GALNTL6: variants seen among roughly 807,000 people sequenced by gnomAD.
The protein encoded by GALNTL6 is polypeptide N-acetylgalactosaminyltransferase-like 6.
A neutral mutation model predicts 73.7 loss-of-function variants in GALNTL6; 46 were observed. That is an observed-to-expected ratio of 0.62 (90% CI 0.49 to 0.80). The LOEUF (loss-of-function observed/expected upper bound fraction) is 0.80. Among genes scored for constraint, GALNTL6 ranks in the 30% least tolerant of loss-of-function variants. GALNTL6 has a pLI of 0.00. For missense variants in GALNTL6, 604 were observed against 755.0 expected, an observed-to-expected ratio of 0.80 and a Z score of 2.34; for synonymous variants, 259 against 263.7, an observed-to-expected ratio of 0.98 and a Z score of 0.17.
chr4:171,960,567 A>C (rs1369590759), intron 2 of GALNTL6, among the ~76,000 whole-genome samples: 1 of 152,054 alleles, frequency 6.6e-6, no homozygotes, highest in African/African-American at 2.4e-5. Flanking sequence ...GGTGTGAGCC[A>C]CCACGCCCTG....
intron 2 of GALNTL6, among the ~76,000 whole-genome samples, chr4:171,893,795 G>A (rs1355628106): frequency 1.3e-5 from 2 of 152,270 alleles, no homozygotes; most frequent in African/African-American, 4.8e-5. Flanking sequence ...TGATGAAGTA[G>A]TTCATTTCTA....
chr4:172,888,563 T>C (rs905302737), intron 8 of GALNTL6, among the ~76,000 whole-genome samples: 2 of 152,202 alleles, frequency 1.3e-5, no homozygotes, highest in Admixed American at 1.3e-4. Flanking sequence ...GATCAGTTCA[T>C]TGTAGGCGTG....
intron 9 of GALNTL6, among the ~76,000 whole-genome samples, chr4:172,938,244 T>C (rs533910481): frequency 6.6e-6 from 1 of 152,198 alleles, no homozygotes; most frequent in African/African-American, 2.4e-5. Context: ...CCATAGATCC[T>C]CTCAGACTCT....
At chr4:172,709,364 G>T (rs556192253) in intron 5 of GALNTL6, among the ~76,000 whole-genome samples, 1 of 152,296 alleles carries the variant, frequency 6.6e-6, no homozygotes, top group African/African-American at 2.4e-5. Flanking sequence ...ATGCATTTTA[G>T]CCAGTTGAAA....
Position 172,069,535 on chromosome 4 carries a change from A to ATGTGTTATATATAACACATATGTG in GALNTL6, c.139-160120_139-160119insGTGTTATATATAACACATATGTGT, listed in dbSNP as rs58953734. 5.4e-5 allele frequency among the ~76,000 whole-genome samples: 3 copies of ATGTGTTATATATAACACATATGTG among 55,984 alleles called. 1 individual carries two copies. Among genetic ancestry groups the ATGTGTTATATATAACACATATGTG allele is most frequent in the South Asian group, 5.0e-4 (1 of 2,010 alleles). 36.7% of individuals were successfully genotyped at this position (55,984 alleles called of 152,430 possible). The stretch of plus-strand genomic sequence containing the variant: ...TATATGTTATATGTATAACACATAT[A>ATGTGTTATATATAACACATATGTG]TTATATATAACACATATATGTTATA... On this transcript the variant is annotated intron_variant, in intron 2 of 12. Transcript: ENST00000506823.
At chr4:172,160,436 G>A (rs1734421533) in intron 2 of GALNTL6, among the ~76,000 whole-genome samples, 1 of 152,064 alleles carries the variant, frequency 6.6e-6, no homozygotes, top group Non-Finnish European at 1.5e-5. Flanking sequence ...TGCAGCTGTG[G>A]AGTCACATAA....
chr4:173,001,403 A>G (rs957961876), intron 10 of GALNTL6, among the ~76,000 whole-genome samples: 6 of 152,128 alleles, frequency 3.9e-5, no homozygotes, highest in Non-Finnish European at 8.8e-5. Context: ...ATAAGAGCTA[A>G]AACTATAAAA....
intron 5 of GALNTL6, among the ~76,000 whole-genome samples, chr4:172,796,720 C>T (rs1043417391): frequency 6.6e-6 from 1 of 152,178 alleles, no homozygotes; most frequent in South Asian, 2.1e-4. Context: ...ATTTTATCAA[C>T]AAGGGCAGAC....
intron 5 of GALNTL6, among the ~76,000 whole-genome samples, chr4:172,409,595 C>T (rs767218324): frequency 1.7e-4 from 26 of 151,750 alleles, no homozygotes; most frequent in East Asian, 9.7e-4. Context: ...ATAGAAACTT[C>T]GGATATATAA....
At chr4:171,986,301 T>C (rs1055501939) in intron 2 of GALNTL6, among the ~76,000 whole-genome samples, 7 of 149,860 alleles carry the variant, frequency 4.7e-5, no homozygotes, top group Admixed American at 6.7e-5. Context: ...GCGGGCAGAG[T>C]GGGGGTCACA....
At chr4:172,944,216 C>A (rs1749047518) in intron 9 of GALNTL6, among the ~76,000 whole-genome samples, 1 of 152,138 alleles carries the variant, frequency 6.6e-6, no homozygotes, top group Non-Finnish European at 1.5e-5. Flanking sequence ...ATTTGCAAAT[C>A]ACATTTCTGG....
At chr4:172,057,420 G>T (rs1347721804) in intron 2 of GALNTL6, among the ~76,000 whole-genome samples, 25 of 151,758 alleles carry the variant, frequency 1.6e-4, no homozygotes, top group Admixed American at 1.6e-3. Flanking sequence ...AAGCATTGTG[G>T]TCTCATGCCT....
intron 3 of GALNTL6, among the ~76,000 whole-genome samples, chr4:172,260,601 C>T (rs1235286741): frequency 6.6e-6 from 1 of 151,442 alleles, no homozygotes; most frequent in Non-Finnish European, 1.5e-5. Context: ...TTGTTTCTTT[C>T]TCTTGTCTGA....
chr4:172,073,532 C>T (rs921806520), intron 2 of GALNTL6, among the ~76,000 whole-genome samples: 1 of 152,148 alleles, frequency 6.6e-6, no homozygotes, highest in African/African-American at 2.4e-5. Flanking sequence ...TTTGATTGCC[C>T]ATAAAACATT....
intron 3 of GALNTL6, among the ~76,000 whole-genome samples, chr4:172,310,690 A>G (rs896495645): frequency 6.6e-6 from 1 of 152,122 alleles, no homozygotes; most frequent in Non-Finnish European, 1.5e-5. Context: ...TGATAGATAA[A>G]ATAAAAACAG....
At chr4:171,838,589 A>C (rs1735163843) in intron 2 of GALNTL6, among the ~76,000 whole-genome samples, 1 of 152,132 alleles carries the variant, frequency 6.6e-6, no homozygotes, top group African/African-American at 2.4e-5. Context: ...TTGCAGCAAA[A>C]TCACACAACA....
intron 8 of GALNTL6, among the ~76,000 whole-genome samples, chr4:172,893,347 G>C (rs964881245): frequency 2.7e-5 from 4 of 150,202 alleles, no homozygotes; most frequent in South Asian, 2.1e-4. Context: ...GAGAGTGGCG[G>C]GGGGGGGGTC....
At chr4:172,535,288 G>A (rs1296333156) in intron 5 of GALNTL6, among the ~76,000 whole-genome samples, 2 of 152,144 alleles carry the variant, frequency 1.3e-5, no homozygotes, top group Non-Finnish European at 2.9e-5. Context: ...AATCATCTTT[G>A]CATTGGTAAT....
chr4:172,569,988 T>C (rs1259724457), intron 5 of GALNTL6, among the ~76,000 whole-genome samples: 2 of 152,176 alleles, frequency 1.3e-5, no homozygotes, highest in South Asian at 2.1e-4. Flanking sequence ...GGGCTGGTGG[T>C]ATTTTATTTC....
Sources: allele counts gnomAD v4.1 joint callset (sites outside exome capture counted in the v4.1 genomes callset), GRCh38; gene constraint gnomAD v4.1.1; transcripts MANE v1.5; gene names NCBI Gene and HGNC (gene_info 2026-07-23, HGNC 2026-07-21).